Variants in TMEM132B observed in about 807,000 individuals in gnomAD.
TMEM132B encodes transmembrane protein 132B.
TMEM132B carries 18 observed loss-of-function variants against 90.8 expected under a neutral mutation model. The observed-to-expected ratio is 0.20, with a 90% CI of 0.14 to 0.29. The LOEUF is 0.29. TMEM132B is among the 10% of genes least tolerant of loss of function. The probability of loss-of-function intolerance (pLI) is 1.00; values close to 1 mark genes in which losing one functional copy is unlikely to be tolerated. For missense variants in TMEM132B, 1,096 were observed against 1,326.8 expected (o/e 0.83, Z 2.70); for synonymous variants, 504 against 523.3 (o/e 0.96, Z 0.50).
chr12:125,636,442 C>T (rs1886480728), intron 5 of TMEM132B, among the ~76,000 whole-genome samples: 1 of 152,156 alleles, frequency 6.6e-6, no homozygotes, highest in South Asian at 2.1e-4. Flanking sequence ...CTATTATTTT[C>T]ACTTGGTGCT....
chr12:125,527,379 TCCATCCAC>T (rs540971518), intron 4 of TMEM132B, among the ~76,000 whole-genome samples: 108 of 125,658 alleles, frequency 8.6e-4, no homozygotes, highest in Non-Finnish European at 1.4e-3. Flanking sequence ...CCTCCACTCT[TCCATCCAC>T]CCATCCACCC....
chr12:125,280,010 CAGTTTACAGATG>C (rs1248702718), intron 1 of TMEM132B, among the ~76,000 whole-genome samples: 2 of 152,188 alleles, frequency 1.3e-5, no homozygotes, highest in African/African-American at 4.8e-5. Flanking sequence ...TTTTATCCCT[CAGTTTACAGATG>C]AGAAAACTGA....
chr12:125,394,654 T>C (rs1243344966), intron 2 of TMEM132B, among the ~76,000 whole-genome samples: 1 of 152,226 alleles, frequency 6.6e-6, no homozygotes, highest in Non-Finnish European at 1.5e-5. Flanking sequence ...GATTTTCCTT[T>C]CAACTTCTAA....
chr12:125,294,086 T>A (rs910847208), intron 1 of TMEM132B, among the ~76,000 whole-genome samples: 10 of 152,224 alleles, frequency 6.6e-5, no homozygotes, highest in Non-Finnish European at 1.5e-4. Context: ...GTCCCAAGCC[T>A]CAGAGTCAGC....
intron 2 of TMEM132B, among the ~76,000 whole-genome samples, chr12:125,414,654 G>A (rs1000020647): frequency 7.9e-5 from 12 of 152,054 alleles, no homozygotes; most frequent in African/African-American, 2.2e-4. Context: ...AAGTCCCAGC[G>A]GGCCCTTGTG....
At chr12:125,235,054 C>A (rs1234222939) in intron 1 of TMEM132B, among the ~76,000 whole-genome samples, 2 of 152,202 alleles carry the variant, frequency 1.3e-5, no homozygotes, top group Admixed American at 1.3e-4. Context: ...AGTTTGGCTT[C>A]CTTCTTAACT....
At chr12:125,616,775 G>A (rs1025236069) in intron 5 of TMEM132B, among the ~76,000 whole-genome samples, 51 of 152,186 alleles carry the variant, frequency 3.4e-4, no homozygotes, top group African/African-American at 1.2e-3. Flanking sequence ...CAACATGATG[G>A]TTTTTGGAGA....
rs1491482548 is a variant in TMEM132B at position 125,278,478 on chromosome 12, T to TTC, written c.68-70973_68-70972insCT. Among the ~76,000 whole-genome samples the TTC allele has an allele frequency of 5.3e-4, 15 of 28,210 alleles. No homozygotes were observed. In the African/African-American group the frequency reaches 9.4e-3, roughly 18 times the overall value. The allele number at this position is 28,210 out of a possible 152,430, so 18.5% of individuals were successfully genotyped here. A position where few individuals can be genotyped will look rare whatever the true frequency, so the allele number is the denominator to read the frequency against. ...CATGTCAAAAATGGGAATCTCCATC[T>TTC]TTTTTTTTTTTTTTTAAGATAAATG... On this transcript the variant is annotated intron_variant, in intron 1 of 8. Transcript: ENST00000682704.
intron 2 of TMEM132B, among the ~76,000 whole-genome samples, chr12:125,392,970 C>G (rs896428491): frequency 3.9e-5 from 6 of 152,188 alleles, no homozygotes; most frequent in African/African-American, 1.4e-4. Flanking sequence ...AGCTTCCCTC[C>G]TGCGTAGCCT....
intron 3 of TMEM132B, among the ~76,000 whole-genome samples, chr12:125,470,267 A>G (rs1459494648): frequency 6.6e-6 from 1 of 152,162 alleles, no homozygotes; most frequent in Non-Finnish European, 1.5e-5. Context: ...TCAAGCCCCA[A>G]CCATCAACTG....
At chr12:125,552,548 C>T (rs1408907323) in intron 4 of TMEM132B, among the ~76,000 whole-genome samples, 2 of 152,160 alleles carry the variant, frequency 1.3e-5, no homozygotes, top group Admixed American at 1.3e-4. Context: ...TTGAAAGAAA[C>T]CCAAAAGTCG....
intron 1 of TMEM132B, among the ~76,000 whole-genome samples, chr12:125,221,979 G>GCA (rs1178562698): frequency 3.3e-5 from 5 of 152,212 alleles, no homozygotes; most frequent in African/African-American, 1.2e-4. Flanking sequence ...CCCCAGGACT[G>GCA]CAGTTCAGAA....
intron 4 of TMEM132B, among the ~76,000 whole-genome samples, chr12:125,551,952 G>A (rs1046789696): frequency 6.6e-6 from 1 of 152,150 alleles, no homozygotes; most frequent in African/African-American, 2.4e-5. Flanking sequence ...AGTCTCTTCT[G>A]CCTGTTTGCC....
chr12:125,227,993 T>G (rs1379040172), intron 1 of TMEM132B, among the ~76,000 whole-genome samples: 1 of 152,182 alleles, frequency 6.6e-6, no homozygotes, highest in African/African-American at 2.4e-5. Flanking sequence ...GTTGACTTCT[T>G]TTTTCTCTCT....
At chr12:125,474,079 T>C (rs1881798926) in intron 3 of TMEM132B, among the ~76,000 whole-genome samples, 1 of 146,338 alleles carries the variant, frequency 6.8e-6, no homozygotes, top group African/African-American at 2.5e-5. Flanking sequence ...TCCTTTCCTT[T>C]CCTTTCCTTT....
chr12:125,191,327 G>C (rs73233307), intron 1 of TMEM132B, among the ~76,000 whole-genome samples: 34,636 of 152,004 alleles, frequency 0.23, 5,072 homozygotes, highest in East Asian at 0.44. Flanking sequence ...GCATGAACTT[G>C]ATGGGATGCT....
intron 1 of TMEM132B, among the ~76,000 whole-genome samples, chr12:125,339,716 G>C (rs1877110877): frequency 6.6e-6 from 1 of 152,188 alleles, no homozygotes; most frequent in Non-Finnish European, 1.5e-5. Context: ...GTGTAGCCAG[G>C]AGGAGCAAAG....
At chr12:125,208,207 A>G (rs1236076537) in intron 1 of TMEM132B, among the ~76,000 whole-genome samples, 10 of 152,186 alleles carry the variant, frequency 6.6e-5, no homozygotes, top group Non-Finnish European at 1.3e-4. Flanking sequence ...TAGGCAATGA[A>G]TGGAGGGATG....
chr12:125,201,368 G>C (rs1353726149), intron 1 of TMEM132B, among the ~76,000 whole-genome samples: 1 of 152,240 alleles, frequency 6.6e-6, no homozygotes, highest in Non-Finnish European at 1.5e-5. Context: ...AAAGGTGCTA[G>C]AATTTCTTTC....
Sources: allele counts gnomAD v4.1 joint callset (sites outside exome capture counted in the v4.1 genomes callset), GRCh38; gene constraint gnomAD v4.1.1; transcripts MANE v1.5; gene names NCBI Gene and HGNC (gene_info 2026-07-23, HGNC 2026-07-21).